The following TTBK2 variants were observed in gnomAD, a reference collection of about 807,000 sequenced individuals.
The protein encoded by TTBK2 is tau-tubulin kinase 2.
In TTBK2, 28 loss-of-function variants were observed where a neutral mutation model predicts 110.8. That is an observed-to-expected ratio of 0.25 (90% CI 0.19 to 0.35). The LOEUF (loss-of-function observed/expected upper bound fraction) is 0.35. Ranked by LOEUF, TTBK2 falls within the 10% of genes least tolerant of loss-of-function variation. TTBK2 has a pLI of 1.00. For synonymous variants in TTBK2, 532 were observed against 527.3 expected, an observed-to-expected ratio of 1.01 and a Z score of -0.12; for missense variants, 1,369 against 1,500.3, an observed-to-expected ratio of 0.91 and a Z score of 1.45.
chr15:42,872,804 T>C (rs1199143942), intron 2 of TTBK2, 46 bp from the exon 3 acceptor site: 7 of 1,607,654 alleles, frequency 4.4e-6, no homozygotes, highest in Admixed American at 3.4e-5. Context: ...ACTAGAAGAT[T>C]CTAACTTGAA....
chr15:42,849,775 A>T lies in TTBK2; in HGVS notation c.218-9342T>A, dbSNP rs968899979. 3.3e-5 allele frequency among the ~76,000 whole-genome samples: 5 copies of T among 152,148 alleles called. No individual in the cohort carries two copies. In the South Asian group the frequency reaches 1.0e-3, roughly 32 times the overall value. On this transcript the variant is annotated intron_variant, in intron 3 of 14. Coordinates refer to ENST00000267890, the MANE Select transcript of TTBK2 (RefSeq NM_173500.4). ...GATGTGGGCAGTGGTCTATCCCATA[A>T]TTCAATTCTCAAAGTCCATATATGC...
At position 42,753,181 on chromosome 15, in the gene TTBK2, G is replaced by T. The variant is rs1247003586; in HGVS notation, c.2065C>A (p.Gln689Lys). ...STSGSFHCGQQPEKKDLQPME... is the reference protein window; with the variant it reads ...STSGSFHCGQKPEKKDLQPME... ...GGCTGAAGATCTTTCTTCTCTGGCT[G>T]CTGACCACAGTGAAAGCTTCCTGAA... is the stretch of plus-strand genomic sequence containing the variant. The change falls in exon 14 of 15, where the codon CAG becomes AAG. Residue 689 changes from glutamine to lysine, a missense_variant. Gln to Lys is a moderately conservative substitution (Grantham distance 53, BLOSUM62 1). Around this residue, in one of 4 missense-constraint regions of TTBK2, gnomAD observed 1,097 missense variants for 1,114.7 expected, o/e 0.98. Coordinates refer to ENST00000267890, the MANE Select transcript of TTBK2 (RefSeq NM_173500.4). The T allele has an allele frequency of 6.2e-7, 1 of 1,609,732 alleles. No individual in the cohort carries two copies. The highest frequency in any genetic ancestry group is 2.2e-5 in the East Asian group (1 of 44,878).
intron 3 of TTBK2, among the ~76,000 whole-genome samples, chr15:42,860,744 C>G (rs1441210710): frequency 6.7e-6 from 1 of 148,686 alleles, no homozygotes; most frequent in African/African-American, 2.5e-5. Flanking sequence ...CAGCTCACTG[C>G]AACCTCCGCT....
intron 1 of TTBK2, among the ~76,000 whole-genome samples, chr15:42,879,808 C>G (rs1203183830): frequency 1.3e-5 from 2 of 151,750 alleles, no homozygotes; most frequent in Non-Finnish European, 2.9e-5. Context: ...ACCAGCCTAG[C>G]CAACATAGGG....
chr15:42,756,110 T>C (rs1037839141), intron 13 of TTBK2, among the ~76,000 whole-genome samples: 4 of 151,650 alleles, frequency 2.6e-5, no homozygotes, highest in East Asian at 3.9e-4. Context: ...GGTGGGAAAA[T>C]TGCTTGAACC....
At chr15:42,792,694 G>A (rs16957165) in intron 10 of TTBK2, among the ~76,000 whole-genome samples, 22,102 of 152,028 alleles carry the variant, frequency 0.15, 1,915 homozygotes, top group Admixed American at 0.24. Flanking sequence ...TCTTTATAAA[G>A]TCTTCTGGCA....
chr15:42,815,948 T>TAA (rs1567040504), intron 7 of TTBK2, among the ~76,000 whole-genome samples: 1 of 19,922 alleles, frequency 5.0e-5, no homozygotes, highest in Non-Finnish European at 8.5e-5. Flanking sequence ...ATATATATAT[T>TAA]TAAAAAAAAA....
intron 3 of TTBK2, among the ~76,000 whole-genome samples, chr15:42,860,127 C>T (rs1595993032): frequency 1.3e-5 from 2 of 151,886 alleles, no homozygotes; most frequent in African/African-American, 4.8e-5. Context: ...CACAACCATA[C>T]ACAAAGGGAA....
chr15:42,763,157 CATATATATATATATATATAT>C lies in TTBK2; in HGVS notation c.1999-9930_1999-9911del, dbSNP rs1567008803. On this transcript the variant is annotated intron_variant, in intron 13 of 14. Transcript: ENST00000267890. ...ATATATACATACATATATATATATA[CATATATATATATATATATAT>C]ATATATATATATATATTTTTTTTTT... Among the ~76,000 whole-genome samples, 94 of 20,470 alleles carry C rather than the reference CATATATATATATATATATAT, an allele frequency of 4.6e-3. 1 individual carries two copies. Among genetic ancestry groups the C allele is most frequent in the Admixed American group, 7.5e-3 (7 of 928 alleles). The allele number at this position is 20,470 out of a possible 152,430, so 13.4% of individuals were successfully genotyped here.
At chr15:42,821,759 G>C (rs1278810580) in intron 6 of TTBK2, among the ~76,000 whole-genome samples, 1 of 147,604 alleles carries the variant, frequency 6.8e-6, no homozygotes, top group Non-Finnish European at 1.5e-5. Context: ...GCGTGATCTT[G>C]GCTCACTGCA....
intron 1 of TTBK2, among the ~76,000 whole-genome samples, chr15:42,883,952 A>G (rs149276536): frequency 1.3e-3 from 204 of 152,304 alleles, no homozygotes; most frequent in African/African-American, 4.8e-3. Context: ...GCAAATATTA[A>G]CAAAAGAAAA....
At position 42,752,343 on chromosome 15, in the gene TTBK2, A is replaced by G; in HGVS notation, c.2903T>C (p.Leu968Pro). ...SSSPVSAKEK[L>P]LQKKAYQPDL... ...TGGCTGATAGGCTTTCTTTTGGAGGAGCTTTTCTTTTGCAGAAACTGGAGA... is the reference window on the plus strand; with the variant it reads ...TGGCTGATAGGCTTTCTTTTGGAGGGGCTTTTCTTTTGCAGAAACTGGAGA... The change falls in exon 14 of 15, where the codon CTC becomes CCC. Residue 968 changes from leucine (L) to proline (P), a missense_variant. Around this residue, in one of 4 missense-constraint regions of TTBK2, gnomAD observed 1,097 missense variants for 1,114.7 expected, o/e 0.98. Transcript: ENST00000267890. 6.2e-7 allele frequency: 1 copy of G among 1,614,156 alleles called. No individual in the cohort carries two copies. The highest frequency in any genetic ancestry group is 8.5e-7 in the Non-Finnish European group (1 of 1,180,020).
chr15:42,762,171 T>C (rs1204121915), intron 13 of TTBK2, among the ~76,000 whole-genome samples: 1 of 152,218 alleles, frequency 6.6e-6, no homozygotes, highest in Non-Finnish European at 1.5e-5. Flanking sequence ...CTTGGGTATG[T>C]CTTTATCAGC....
At chr15:42,749,449 A>C in intron 14 of TTBK2, among the ~76,000 whole-genome samples, 1 of 152,174 alleles carries the variant, frequency 6.6e-6, no homozygotes, top group Non-Finnish European at 1.5e-5. Flanking sequence ...GTTAACAGCT[A>C]CCCATCCCCC....
chr15:42,766,347 C>T (rs529294408), intron 13 of TTBK2, among the ~76,000 whole-genome samples: 1 of 150,202 alleles, frequency 6.7e-6, no homozygotes, highest in East Asian at 2.0e-4. Flanking sequence ...GAGTCAAGAC[C>T]CATAAGTGTG....
chr15:42,791,839 T>C (rs904948038), intron 10 of TTBK2, among the ~76,000 whole-genome samples: 2 of 152,198 alleles, frequency 1.3e-5, no homozygotes, highest in African/African-American at 4.8e-5. Flanking sequence ...TTACTGACTA[T>C]AGTTAACAAT....
At chr15:42,917,534 T>C (rs1278222543) in intron 1 of TTBK2, among the ~76,000 whole-genome samples, 1 of 152,032 alleles carries the variant, frequency 6.6e-6, no homozygotes, top group Admixed American at 6.5e-5. Context: ...AAAAACTGAA[T>C]TTTTTCATAT....
rs1595871373 is a variant in TTBK2 at position 42,746,033 on chromosome 15, G to A, written c.3497C>T (p.Ser1166Phe). 6.2e-7 allele frequency: 1 copy of A among 1,614,190 alleles called. No individual in the cohort carries two copies. Among genetic ancestry groups the A allele is most frequent in the Non-Finnish European group, 8.5e-7 (1 of 1,180,028 alleles). Residue 1166 changes from serine (S) to phenylalanine (F), a missense_variant, in exon 15 of 15, where the codon TCC (serine) becomes TTC (phenylalanine). Coordinates refer to ENST00000267890, the MANE Select transcript of TTBK2 (RefSeq NM_173500.4). ...GGGCCGTCCAGCCCTAGATGGTGAG[G>A]AACTAGACGTGCGAGGCAAGGATGA... ...RSSSLPRTSS[S>F]SPSRAGRPHH...
chr15:42,783,204 G>A (rs773859183), intron 11 of TTBK2, among the ~76,000 whole-genome samples: 2 of 152,070 alleles, frequency 1.3e-5, no homozygotes. Context: ...GAGGTAATTA[G>A]GTCAAGAAGG....
Sources: allele counts gnomAD v4.1 joint callset (sites outside exome capture counted in the v4.1 genomes callset), GRCh38; gene constraint gnomAD v4.1.1; regional missense constraint gnomAD v4.1.1; transcripts MANE v1.5; gene names NCBI Gene and HGNC (gene_info 2026-07-23, HGNC 2026-07-21).